The following RIMBP2 variants were observed in gnomAD, a reference collection of about 807,000 sequenced individuals.
RIMBP2 encodes RIMS binding protein 2, also known as RIMS-binding protein 2.
In RIMBP2, 48 loss-of-function variants were observed where a neutral mutation model predicts 118.6. That is an observed-to-expected ratio of 0.40 (90% CI 0.32 to 0.51). The LOEUF (loss-of-function observed/expected upper bound fraction) is 0.51, where lower values mean the gene tolerates loss of function less well. Ranked by LOEUF, RIMBP2 falls within the 20% of genes least tolerant of loss-of-function variation. The pLI, the probability that RIMBP2 is intolerant of heterozygous loss-of-function variation, is 0.41. For missense variants in RIMBP2, 1,551 were observed against 1,768.3 expected, an observed-to-expected ratio of 0.88 and a Z score of 2.20; for synonymous variants, 762 against 742.9, an observed-to-expected ratio of 1.03 and a Z score of -0.42.
chr12:130,399,113 A>G, intron 22 of RIMBP2: 1 of 1,384,166 alleles, frequency 7.2e-7, no homozygotes, highest in East Asian at 2.7e-5. Context: ...TTGCTCACTT[A>G]CGTGAAGGCT....
At chr12:130,647,390 T>C (rs1268644252) in intron 1 of RIMBP2, among the ~76,000 whole-genome samples, 1 of 146,664 alleles carries the variant, frequency 6.8e-6, no homozygotes, top group African/African-American at 2.4e-5. Context: ...AAGAAGGTAA[T>C]AGCAGCTTAA....
intron 1 of RIMBP2, among the ~76,000 whole-genome samples, chr12:130,656,264 T>A (rs1453839530): frequency 6.6e-6 from 1 of 152,064 alleles, no homozygotes; most frequent in East Asian, 1.9e-4. Context: ...GCACCTTCCC[T>A]CCCACAGGGG....
chr12:130,555,389 C>T (rs989289976), intron 2 of RIMBP2, among the ~76,000 whole-genome samples: 2 of 152,218 alleles, frequency 1.3e-5, no homozygotes, highest in Non-Finnish European at 2.9e-5. Context: ...GTGGGTCTCA[C>T]ATGATGCACC....
At chr12:130,682,904 C>A (rs1431395633) in intron 1 of RIMBP2, among the ~76,000 whole-genome samples, 1 of 152,194 alleles carries the variant, frequency 6.6e-6, no homozygotes, top group Admixed American at 6.5e-5. Flanking sequence ...TACGAGTACC[C>A]CGAGCTATGA....
chr12:130,655,476 G>C (rs578195078), intron 1 of RIMBP2, among the ~76,000 whole-genome samples: 7 of 152,312 alleles, frequency 4.6e-5, no homozygotes, highest in African/African-American at 1.7e-4. Context: ...AGGGCGGAGA[G>C]TCAGAGAAAC....
chr12:130,592,476 G>A (rs1278387165), intron 2 of RIMBP2, among the ~76,000 whole-genome samples: 6 of 152,090 alleles, frequency 3.9e-5, no homozygotes. Flanking sequence ...GGATTACGAG[G>A]TCAGGAGTTC....
At chr12:130,481,316 A>G (rs2081994325) in intron 4 of RIMBP2, among the ~76,000 whole-genome samples, 1 of 152,146 alleles carries the variant, frequency 6.6e-6, no homozygotes, top group African/African-American at 2.4e-5. Flanking sequence ...TTGAAACAGA[A>G]CCACTTTAAC....
chr12:130,668,044 C>G (rs963717138), intron 1 of RIMBP2: 4 of 152,194 alleles, frequency 2.6e-5, no homozygotes, highest in Non-Finnish European at 5.9e-5. Context: ...CAGGTTTGCA[C>G]CCAGTTGTTC....
chr12:130,493,553 G>A (rs1345884867), intron 4 of RIMBP2, among the ~76,000 whole-genome samples: 1 of 152,146 alleles, frequency 6.6e-6, no homozygotes, highest in Non-Finnish European at 1.5e-5. Flanking sequence ...GACCTCAGGT[G>A]ATCTGCCTGC....
chr12:130,593,034 C>T (rs1451677621), intron 2 of RIMBP2, among the ~76,000 whole-genome samples: 2 of 152,230 alleles, frequency 1.3e-5, no homozygotes, highest in Admixed American at 6.5e-5. Context: ...CGGATAGAAT[C>T]CACATCGCAT....
chr12:130,452,542 C>T (rs1009978855), intron 7 of RIMBP2, among the ~76,000 whole-genome samples: 1 of 152,242 alleles, frequency 6.6e-6, no homozygotes, highest in East Asian at 1.9e-4. Flanking sequence ...GAAACCCAGC[C>T]GACAGCAGAG....
intron 2 of RIMBP2, among the ~76,000 whole-genome samples, chr12:130,580,368 T>C (rs2058385755): frequency 1.3e-5 from 2 of 152,116 alleles, no homozygotes; most frequent in Admixed American, 6.5e-5. Flanking sequence ...ATAAGTCTCA[T>C]GAGGTCTCAT....
intron 4 of RIMBP2, among the ~76,000 whole-genome samples, chr12:130,483,134 AGATT>A (rs1295997222): frequency 8.2e-5 from 6 of 73,294 alleles, no homozygotes; most frequent in African/African-American, 9.8e-5. Context: ...TACATGTGTC[AGATT>A]CTGCAGGGGA....
chr12:130,440,398 G>T (rs1044917789), intron 11 of RIMBP2, among the ~76,000 whole-genome samples: 4 of 152,118 alleles, frequency 2.6e-5, no homozygotes, highest in Non-Finnish European at 4.4e-5. Context: ...ACACAGACAC[G>T]TCCCTCCAGT....
intron 6 of RIMBP2, 100 bp from the exon 7 acceptor site, chr12:130,456,800 G>C (rs1326665153): frequency 1.0e-5 from 8 of 799,372 alleles, no homozygotes; most frequent in Non-Finnish European, 1.6e-5. Flanking sequence ...CATGTGCACT[G>C]TGTGCACGTG....
At chr12:130,565,321 G>A (rs1184129641) in intron 2 of RIMBP2, among the ~76,000 whole-genome samples, 7 of 152,098 alleles carry the variant, frequency 4.6e-5, no homozygotes, top group Non-Finnish European at 1.0e-4. Flanking sequence ...ATGTAAAATG[G>A]GAAACAGGGT....
chr12:130,529,537 A>T (rs888438708), intron 2 of RIMBP2, among the ~76,000 whole-genome samples: 3 of 152,192 alleles, frequency 2.0e-5, no homozygotes, highest in Admixed American at 2.0e-4. Context: ...TTGGAACTAG[A>T]TAGAGGTGAT....
At chr12:130,619,603 G>A (rs959634782) in intron 2 of RIMBP2, among the ~76,000 whole-genome samples, 11 of 152,144 alleles carry the variant, frequency 7.2e-5, no homozygotes, top group African/African-American at 1.7e-4. Context: ...GCACACGCAC[G>A]TGTTATTCTT....
chr12:130,449,650 G>C (rs536270014), intron 9 of RIMBP2, among the ~76,000 whole-genome samples: 1 of 152,228 alleles, frequency 6.6e-6, no homozygotes, highest in African/African-American at 2.4e-5. Flanking sequence ...CTGCACCTGT[G>C]AATGGGACCT....
Sources: allele counts gnomAD v4.1 joint callset (sites outside exome capture counted in the v4.1 genomes callset), GRCh38; gene constraint gnomAD v4.1.1; transcripts MANE v1.5; gene names NCBI Gene and HGNC (gene_info 2026-07-23, HGNC 2026-07-21).